The following SHMT2 variants were observed in gnomAD, a reference collection of about 807,000 sequenced individuals.
The protein encoded by SHMT2 is serine hydroxymethyltransferase, mitochondrial.
A neutral mutation model predicts 59.6 loss-of-function variants in SHMT2; 38 were observed. The observed-to-expected ratio is 0.64, with a 90% CI of 0.49 to 0.84. The LOEUF (loss-of-function observed/expected upper bound fraction) is 0.84, where lower values mean the gene tolerates loss of function less well. Ranked by LOEUF, SHMT2 falls within the 40% of genes least tolerant of loss-of-function variation. The pLI is 0.00. For synonymous variants in SHMT2, 254 were observed against 258.1 expected (o/e 0.98, Z 0.15); for missense variants, 533 against 659.5 (o/e 0.81, Z 2.10).
chr12:57,230,797 C>T lies in SHMT2; in HGVS notation c.34-6C>T, dbSNP rs1315704690. ...GTGATTTCACCCTGACTTTTCCTGC[C>T]TTCAGCCTCTGCAGAGATGTGGGCA... On this transcript the variant is annotated splice_region_variant and splice_polypyrimidine_tract_variant and intron_variant, in intron 1 of 11. Coordinates refer to ENST00000328923, the MANE Select transcript of SHMT2 (RefSeq NM_005412.6). 18 of 1,613,692 alleles carry T rather than the reference C, an allele frequency of 1.1e-5. No individual in the cohort carries two copies. The highest frequency in any genetic ancestry group is 1.4e-5 in the Non-Finnish European group (16 of 1,179,838).
In SHMT2 at chr12:57,231,537, C is replaced by T. The variant is rs1371184254; in HGVS notation, c.288C>T (p.Tyr96=). 6.2e-7 allele frequency: 1 copy of T among 1,614,236 alleles called. No homozygotes were observed. Among genetic ancestry groups the T allele is most frequent in the Non-Finnish European group, 8.5e-7 (1 of 1,180,048 alleles). ...EALGSCLNNK[Y]SEGYPGKRYY... ...TGGGGTCCTGTCTGAACAACAAGTA[C>T]TCGGAGGGTTATCCTGGCAAGAGGT... The change falls in exon 3 of 12, where the codon TAC becomes TAT. Residue 96 remains tyrosine (Y), a synonymous_variant. Coordinates refer to ENST00000328923, the MANE Select transcript of SHMT2 (RefSeq NM_005412.6).
intron 2 of SHMT2, 192 bp from the exon 3 acceptor site, chr12:57,231,289 G>A (rs2037306163): frequency 1.5e-6 from 1 of 646,570 alleles, no homozygotes; most frequent in Non-Finnish European, 2.7e-6. Flanking sequence ...AGGTGGCATT[G>A]AGGGGCCACT....
At chr12:57,231,162 C>A in intron 2 of SHMT2, 162 bp downstream of exon 2, 1 of 735,626 alleles carries the variant, frequency 1.4e-6, no homozygotes. Context: ...AGTGCAAGTC[C>A]AGTTTATGGG....
Position 57,231,740 on chromosome 12 carries a change from T to C in SHMT2, c.339T>C (p.Asp113=). ...KRYYGGAEVV[D]EIELLCQRRA... is the part of the protein sequence containing the mutation. ...ACTATGGGGGAGCAGAGGTGGTGGA[T>C]GAAATTGAGCTGCTGTGCCAGCGCC... Residue 113 remains aspartate, a synonymous_variant, in exon 4 of 12, where the codon GAT becomes GAC. Transcript: ENST00000328923. 6.2e-7 allele frequency: 1 copy of C among 1,614,096 alleles called. No individual in the cohort carries two copies. Among genetic ancestry groups the C allele is most frequent in the Non-Finnish European group, 8.5e-7 (1 of 1,180,008 alleles).
chr12:57,232,252 C>T lies in SHMT2; in HGVS notation c.554C>T (p.Ala185Val). 6.2e-7 allele frequency: 1 copy of T among 1,614,164 alleles called. No individual in the cohort carries two copies. Among genetic ancestry groups the T allele is most frequent in the Non-Finnish European group, 8.5e-7 (1 of 1,180,004 alleles). The stretch of plus-strand genomic sequence containing the variant: ...ATGTCTGACGTCAAGCGGATATCAG[C>T]CACGTCCATCTTCTTCGAGTCTATG... ...GYMSDVKRIS[A>V]TSIFFESMPY... is the part of the protein sequence containing the mutation. Residue 185 changes from alanine (A) to valine (V), a missense_variant, in exon 5 of 12, where the codon GCC (alanine) becomes GTC (valine). By Grantham distance (64) the Ala-to-Val change is moderately conservative. Coordinates refer to ENST00000328923, the MANE Select transcript of SHMT2 (RefSeq NM_005412.6).
Position 57,233,986 on chromosome 12 carries a change from C to T in SHMT2, c.1280-17C>T. ...ACCTTGGGCTATGCTCATCCCTCCCCTTGTGCCTCGTTCCAGGGGCCCCAG... is the reference window on the plus strand; with the variant it reads ...ACCTTGGGCTATGCTCATCCCTCCCTTTGTGCCTCGTTCCAGGGGCCCCAG... On this transcript the variant is annotated splice_polypyrimidine_tract_variant and intron_variant, in intron 10 of 11. Transcript: ENST00000328923. The T allele has an allele frequency of 1.2e-6, 2 of 1,614,162 alleles. No individual in the cohort carries two copies. Among genetic ancestry groups the T allele is most frequent in the Non-Finnish European group, 1.7e-6 (2 of 1,179,988 alleles).
chr12:57,232,713 G>A lies in SHMT2; in HGVS notation c.727G>A (p.Glu243Lys). 1.2e-6 allele frequency: 2 copies of A among 1,607,208 alleles called. No homozygotes were observed. The highest frequency in any genetic ancestry group is 2.2e-5 in the South Asian group (2 of 91,000). Residue 243 changes from glutamate to lysine, a missense_variant, in exon 7 of 12, where the codon GAA becomes AAA. Glu to Lys is a moderately conservative substitution (Grantham distance 56). Transcript: ENST00000328923. ...DYARMREVCD[E>K]VKAHLLADMA... ...CTCTGTACCTGCCCAGGTGTGTGAT[G>A]AAGTCAAAGCACACCTGCTGGCAGA...
chr12:57,230,327 CACGG>C, intron 1 of SHMT2: 1 of 1,140,938 alleles, frequency 8.8e-7, no homozygotes, highest in Non-Finnish European at 1.1e-6. Context: ...AGCTCTTCCT[CACGG>C]ACTGCTAAAG....
In SHMT2 at chr12:57,233,252, A is replaced by G. The variant is rs1285309713; in HGVS notation, c.930A>G (p.Thr310=). ...AGACTGGCCGGGAGATCCCTTACAC[A>G]TTTGAGGACCGAATCAACTTTGCCG... ...DPKTGREIPY[T]FEDRINFAVF... The change falls in exon 8 of 12, where the codon ACA becomes ACG. Residue 310 remains threonine (T), a synonymous_variant. Coordinates refer to ENST00000328923, the MANE Select transcript of SHMT2 (RefSeq NM_005412.6). 6.2e-7 allele frequency: 1 copy of G among 1,608,810 alleles called. No individual in the cohort carries two copies. Among genetic ancestry groups the G allele is most frequent in the Non-Finnish European group, 8.5e-7 (1 of 1,177,264 alleles).
Position 57,233,572 on chromosome 12 carries a change from C to G in SHMT2, c.1033C>G (p.Pro345Ala), listed in dbSNP as rs750414570. The G allele has an allele frequency of 5.0e-6, 8 of 1,613,550 alleles. No individual in the cohort carries two copies. The highest frequency in any genetic ancestry group is 6.8e-6 in the Non-Finnish European group (8 of 1,179,678). Reference sequence around the variant, plus strand: ...ACTGTCTCATCTCCAGGCCTGCACCCCCATGTTCCGGGAGTACTCCCTGCA... The same window carrying G: ...ACTGTCTCATCTCCAGGCCTGCACCGCCATGTTCCGGGAGTACTCCCTGCA... ...VAVALKQACT[P>A]MFREYSLQVL... Residue 345 changes from proline (P) to alanine (A), a missense_variant, in exon 9 of 12, where the codon CCC (proline) becomes GCC (alanine). Pro to Ala is a conservative substitution (Grantham distance 27). Transcript: ENST00000328923.
Position 57,231,562 on chromosome 12 carries a change from T to C in SHMT2, c.311+2T>C. ...CTCGGAGGGTTATCCTGGCAAGAGG[T>C]GAGGGCTGGAGGGCAGTGTCAGGGA... On this transcript the variant is annotated splice_donor_variant, in intron 3 of 11. Coordinates refer to ENST00000328923, the MANE Select transcript of SHMT2 (RefSeq NM_005412.6). LOFTEE classifies it high-confidence loss of function. 2 of 1,614,126 alleles carry C rather than the reference T, an allele frequency of 1.2e-6. No individual in the cohort carries two copies. Among genetic ancestry groups the C allele is most frequent in the South Asian group, 1.1e-5 (1 of 91,086 alleles).
chr12:57,231,581 T>C, intron 3 of SHMT2, 21 bp downstream of exon 3: 1 of 1,614,020 alleles, frequency 6.2e-7, no homozygotes. Flanking sequence ...GAGGGCAGTG[T>C]CAGGGATGGT....
At position 57,230,833 on chromosome 12, in the gene SHMT2, A is replaced by C; in HGVS notation, c.64A>C (p.Met22Leu). The change falls in exon 2 of 12, where the codon ATG (methionine) becomes CTG (leucine). Residue 22 changes from methionine (M) to leucine (L), a missense_variant. Coordinates refer to ENST00000328923, the MANE Select transcript of SHMT2 (RefSeq NM_005412.6). ...PLQRCGQLVRMAIRAQHSNAA... is the reference protein window; with the variant it reads ...PLQRCGQLVRLAIRAQHSNAA... Reference sequence around the variant, plus strand: ...GCAGAGATGTGGGCAGCTGGTCAGGATGGCCATTCGGGCTCAGCACAGCAA... The same window carrying C: ...GCAGAGATGTGGGCAGCTGGTCAGGCTGGCCATTCGGGCTCAGCACAGCAA... The C allele has an allele frequency of 6.2e-7, 1 of 1,614,096 alleles. No homozygotes were observed. The highest frequency in any genetic ancestry group is 2.2e-5 in the East Asian group (1 of 44,870).
At position 57,231,705 on chromosome 12, in the gene SHMT2, C is replaced by G. The variant is rs774000145; in HGVS notation, c.312-8C>G. On this transcript the variant is annotated splice_polypyrimidine_tract_variant and splice_region_variant and intron_variant, in intron 3 of 11. Coordinates refer to ENST00000328923, the MANE Select transcript of SHMT2 (RefSeq NM_005412.6). ...CTCTGTGCCCTCATTACCCCTCTCC[C>G]ACGGCAGATACTATGGGGGAGCAGA... 1 of 1,614,046 alleles carries G rather than the reference C, an allele frequency of 6.2e-7. No homozygotes were observed. The highest frequency in any genetic ancestry group is 1.7e-5 in the Admixed American group (1 of 60,028).
At chr12:57,232,990 C>G (rs947629513) in intron 7 of SHMT2, 147 bp downstream of exon 7, 8 of 1,274,676 alleles carry the variant, frequency 6.3e-6, no homozygotes, top group East Asian at 2.5e-5. Context: ...TTCTCTTGCC[C>G]ATGGTGGCCA....
intron 5 of SHMT2, 80 bp from the exon 6 acceptor site, chr12:57,232,373 G>C: frequency 6.2e-7 from 1 of 1,613,212 alleles, no homozygotes; most frequent in East Asian, 2.2e-5. Context: ...CTGGAGCGCC[G>C]GGCCGTCCTT....
At chr12:57,230,130 C>T in intron 1 of SHMT2, 1 of 1,326,136 alleles carries the variant, frequency 7.5e-7, no homozygotes, top group East Asian at 3.4e-5. Flanking sequence ...GGCCTGGTCT[C>T]ACAAGCTGAG....
Position 57,234,382 on chromosome 12 carries a change from C to T in SHMT2, c.*21C>T. 1.3e-6 allele frequency: 2 copies of T among 1,557,890 alleles called. No homozygotes were observed. Among genetic ancestry groups the T allele is most frequent in the South Asian group, 1.2e-5 (1 of 82,290 alleles). On this transcript the variant is annotated 3_prime_UTR_variant, in exon 12 of 12. Transcript: ENST00000328923. ...ATTGAAGGCACCTGGGAAATGAGGC[C>T]CACAGACTCAAAGTTACTCTCCTTC... is the stretch of plus-strand genomic sequence containing the variant.
At position 57,234,585 on chromosome 12, in the gene SHMT2, G is replaced by A; in HGVS notation, c.*224G>A. The A allele has an allele frequency of 2.3e-6, 1 of 427,224 alleles. No homozygotes were observed. The allele number at this position is 427,224 out of a possible 1,614,324, so 26.5% of individuals were successfully genotyped here. A position where few individuals can be genotyped will look rare whatever the true frequency, so the allele number is the denominator to read the frequency against. Reference sequence around the variant, plus strand: ...TAGAAGGAGGGCCCAGGCACTTTCTGTTTGAACCCCTGTCATGATCACAGT... The same window carrying A: ...TAGAAGGAGGGCCCAGGCACTTTCTATTTGAACCCCTGTCATGATCACAGT... On this transcript the variant is annotated 3_prime_UTR_variant, in exon 12 of 12. Coordinates refer to ENST00000328923, the MANE Select transcript of SHMT2 (RefSeq NM_005412.6).
Sources: gnomAD v4.1 joint callset for allele counts on GRCh38, gnomAD v4.1.1 for gene constraint, MANE v1.5 for transcripts, NCBI Gene and HGNC (gene_info 2026-07-23, HGNC 2026-07-21) for gene names.